Variants in EXTL3 observed in about 807,000 individuals in gnomAD.
EXTL3 encodes exostosin like glycosyltransferase 3.
A neutral mutation model predicts 69.3 loss-of-function variants in EXTL3; 27 were observed. That is an observed-to-expected ratio of 0.39 (90% CI 0.29 to 0.54). The LOEUF is 0.54. Among genes scored for constraint, EXTL3 ranks in the 20% least tolerant of loss-of-function variants. EXTL3 has a pLI of 0.69. For missense variants in EXTL3, 1,003 were observed against 1,231.8 expected (o/e 0.81, Z 2.78); for synonymous variants, 511 against 499.4 (o/e 1.02, Z -0.31).
At chr8:28,697,503 C>T (rs958392579), upstream of EXTL3, 9 of 152,170 alleles carry the variant, frequency 5.9e-5, no homozygotes, top group African/African-American at 2.2e-4. Flanking sequence ...TTCAATGCGT[C>T]CTGCTTTTCC....
chr8:28,691,571 G>GGTTTTTTTTTT (rs1800612428), intron 1 of EXTL3, among the ~76,000 whole-genome samples: 1 of 66,006 alleles, frequency 1.5e-5, no homozygotes, highest in Non-Finnish European at 2.8e-5. Context: ...CAGTTTTTGT[G>GGTTTTTTTTTT]ATTTTTTTTT....
intron 1 of EXTL3, among the ~76,000 whole-genome samples, chr8:28,640,653 A>G (rs562826752): frequency 1.6e-4 from 25 of 152,338 alleles, no homozygotes; most frequent in African/African-American, 5.5e-4. Context: ...CCTAGGCTGG[A>G]GTGGAGTGGT....
intron 1 of EXTL3, among the ~76,000 whole-genome samples, chr8:28,704,054 C>T (rs1196199664): frequency 1.3e-5 from 2 of 152,178 alleles, no homozygotes; most frequent in Non-Finnish European, 2.9e-5. Flanking sequence ...ACCAGTTGCA[C>T]AGTCCTTTTA....
intron 1 of EXTL3, among the ~76,000 whole-genome samples, chr8:28,657,893 A>G (rs965819350): frequency 2.6e-5 from 4 of 152,160 alleles, no homozygotes; most frequent in African/African-American, 9.7e-5. Context: ...TCCTCCCTTA[A>G]TAGAGGTTTA....
At chr8:28,689,584 T>C (rs572721238) in intron 1 of EXTL3, among the ~76,000 whole-genome samples, 2 of 152,324 alleles carry the variant, frequency 1.3e-5, no homozygotes, top group East Asian at 3.9e-4. Flanking sequence ...ACTAAAATAA[T>C]AGTTTTCACC....
chr8:28,734,143 A>T (rs541182342), intron 4 of EXTL3, among the ~76,000 whole-genome samples: 3 of 152,238 alleles, frequency 2.0e-5, no homozygotes, highest in Admixed American at 6.5e-5. Context: ...TTATCACGTT[A>T]TAAGAGTTCT....
At chr8:28,720,669 T>G (rs1158742174) in intron 3 of EXTL3, among the ~76,000 whole-genome samples, 2 of 152,136 alleles carry the variant, frequency 1.3e-5, no homozygotes, top group Non-Finnish European at 2.9e-5. Flanking sequence ...AATGGGATGG[T>G]GGCGGGGCAA....
At chr8:28,679,124 T>C (rs1807436968) in intron 1 of EXTL3, among the ~76,000 whole-genome samples, 1 of 152,092 alleles carries the variant, frequency 6.6e-6, no homozygotes, top group Admixed American at 6.6e-5. Flanking sequence ...AACCAAAGGG[T>C]CATTTTCTAT....
chr8:28,675,672 C>T (rs1807369344), intron 1 of EXTL3, among the ~76,000 whole-genome samples: 3 of 152,178 alleles, frequency 2.0e-5, no homozygotes, highest in Admixed American at 2.0e-4. Flanking sequence ...AATGTTTTGA[C>T]ATGGGCTCAC....
Position 28,665,110 on chromosome 8 carries a change from C to T in EXTL3, c.-53+42300C>T, listed in dbSNP as rs78787521. ...TTTTTGAGAGGGTATCTCACTCTAT[C>T]GCCCAGACTGGGGTGCGATGGTGTG... On this transcript the variant is annotated intron_variant, in intron 1 of 6. Transcript: ENST00000523149. 2.9e-3 allele frequency among the ~76,000 whole-genome samples: 370 copies of T among 129,020 alleles called. 1 individual carries two copies. Among genetic ancestry groups the T allele is most frequent in the African/African-American group, 0.011 (354 of 33,706 alleles). The allele number at this position is 129,020 out of a possible 152,430, so 84.6% of individuals were successfully genotyped here. A position where few individuals can be genotyped will look rare whatever the true frequency, so the allele number is the denominator to read the frequency against.
In EXTL3 at chr8:28,742,980, G is replaced by A. The variant is rs142387575; in HGVS notation, c.2422-106G>A. On this transcript the variant is annotated intron_variant, in intron 5 of 6. Transcript: ENST00000220562. ...CCCTAAGTGCCAGTAATACCTCCTA[G>A]TTACTGCCACACCCAAACAGCCCCT... The A allele has an allele frequency of 6.2e-3, 7,686 of 1,236,136 alleles. 39 individuals are homozygous for A. Among genetic ancestry groups the A allele is most frequent in the Middle Eastern group, 0.011 (60 of 5,358 alleles). The allele number at this position is 1,236,136 out of a possible 1,614,324, so 76.6% of individuals were successfully genotyped here.
intron 3 of EXTL3, among the ~76,000 whole-genome samples, chr8:28,720,707 G>A (rs913774722): frequency 4.6e-5 from 7 of 152,178 alleles, no homozygotes; most frequent in African/African-American, 1.7e-4. Flanking sequence ...AGAGATGGGA[G>A]AAGTGCCACC....
At chr8:28,666,578 T>A (rs1021101708) in intron 1 of EXTL3, among the ~76,000 whole-genome samples, 1 of 152,030 alleles carries the variant, frequency 6.6e-6, no homozygotes, top group African/African-American at 2.4e-5. Context: ...TTTCTTTTCT[T>A]TCTTTTTTTT....
At position 28,665,129 on chromosome 8, in the gene EXTL3, T is replaced by C. The variant is rs571194724; in HGVS notation, c.-53+42319T>C. On this transcript the variant is annotated intron_variant, in intron 1 of 6. Transcript: ENST00000523149. ...CTCTATCGCCCAGACTGGGGTGCGA[T>C]GGTGTGACATCAGTTCACTGCAGGC... Among the ~76,000 whole-genome samples, 694 of 137,246 alleles carry C rather than the reference T, an allele frequency of 5.1e-3. 9 individuals are homozygous for C. The highest frequency in any genetic ancestry group is 0.018 in the African/African-American group (672 of 37,840). The allele number at this position is 137,246 out of a possible 152,430, so 90.0% of individuals were successfully genotyped here.
chr8:28,726,058 CA>C (rs1801406047), intron 3 of EXTL3, among the ~76,000 whole-genome samples: 1 of 151,628 alleles, frequency 6.6e-6, no homozygotes, highest in African/African-American at 2.4e-5. Context: ...CGGGCTCAAG[CA>C]ATTCTCCTGC....
chr8:28,620,001 GCT>G, upstream of EXTL3, among the ~76,000 whole-genome samples: 1 of 151,404 alleles, frequency 6.6e-6, no homozygotes, highest in African/African-American at 2.4e-5. Context: ...CTCCCGAGTA[GCT>G]GGGACTACAG....
chr8:28,616,253 G>A (rs1806329218), intron 2 of EXTL3, among the ~76,000 whole-genome samples: 2 of 151,960 alleles, frequency 1.3e-5, no homozygotes, highest in Non-Finnish European at 2.9e-5. Context: ...AAATGGGGGA[G>A]GGGGTGAGGA....
At chr8:28,692,561 G>A (rs1247282759) in intron 1 of EXTL3, among the ~76,000 whole-genome samples, 1 of 152,062 alleles carries the variant, frequency 6.6e-6, no homozygotes, top group African/African-American at 2.4e-5. Flanking sequence ...CATACATAAA[G>A]TCCAAATGTT....
intron 1 of EXTL3, among the ~76,000 whole-genome samples, chr8:28,653,381 T>G (rs1806957939): frequency 6.6e-6 from 1 of 152,222 alleles, no homozygotes; most frequent in African/African-American, 2.4e-5. Flanking sequence ...TTCAAAAAGT[T>G]TAGTTTATCT....
Sources: allele counts gnomAD v4.1 joint callset (sites outside exome capture counted in the v4.1 genomes callset), GRCh38; gene constraint gnomAD v4.1.1; transcripts MANE v1.5; gene names NCBI Gene and HGNC (gene_info 2026-07-23, HGNC 2026-07-21).